The following MAP3K14 variants were observed in gnomAD, a reference collection of about 807,000 sequenced individuals.
MAP3K14 encodes mitogen-activated protein kinase kinase kinase 14.
MAP3K14 carries 16 observed loss-of-function variants against 99.2 expected under a neutral mutation model. The observed-to-expected ratio is 0.16, with a 90% CI of 0.11 to 0.24. The LOEUF (loss-of-function observed/expected upper bound fraction) is 0.24, where lower values mean the gene tolerates loss of function less well. Among genes scored for constraint, MAP3K14 ranks in the 10% least tolerant of loss-of-function variants. MAP3K14 has a pLI of 1.00. For missense variants in MAP3K14, 784 were observed against 1,208.7 expected (o/e 0.65, Z 5.21); for synonymous variants, 462 against 492.4 (o/e 0.94, Z 0.82).
At chr17:45,315,710 C>T (rs1238978975) in intron 1 of MAP3K14, among the ~76,000 whole-genome samples, 2 of 152,168 alleles carry the variant, frequency 1.3e-5, no homozygotes, top group African/African-American at 4.8e-5. Flanking sequence ...CTGGGAAAGA[C>T]CCATCCTTAG....
chr17:45,283,296 C>CA (rs1280390762), intron 6 of MAP3K14, among the ~76,000 whole-genome samples: 1 of 152,258 alleles, frequency 6.6e-6, no homozygotes, highest in Non-Finnish European at 1.5e-5. Context: ...CTGAGCAGGT[C>CA]AGGCACGTGG....
At chr17:45,303,130 A>C (rs1228875753) in intron 1 of MAP3K14, among the ~76,000 whole-genome samples, 1 of 152,264 alleles carries the variant, frequency 6.6e-6, no homozygotes. Flanking sequence ...GGAGAAAAAA[A>C]CCAGCCCTTC....
intron 6 of MAP3K14, among the ~76,000 whole-genome samples, chr17:45,275,236 G>A (rs1313120999): frequency 1.3e-5 from 2 of 152,128 alleles, no homozygotes; most frequent in Non-Finnish European, 1.5e-5. Flanking sequence ...GCTGAGGCGG[G>A]TGGATCAAGG....
intron 6 of MAP3K14, among the ~76,000 whole-genome samples, chr17:45,279,630 A>G (rs2044205375): frequency 6.7e-6 from 1 of 149,180 alleles, no homozygotes; most frequent in Non-Finnish European, 1.5e-5. Context: ...TCACTGTGTT[A>G]GCCAGGATGG....
At chr17:45,284,787 A>C in intron 6 of MAP3K14, 25 bp downstream of exon 6, 1 of 1,575,000 alleles carries the variant, frequency 6.3e-7, no homozygotes, top group Non-Finnish European at 8.6e-7. Flanking sequence ...TTCCCTCTTC[A>C]CTCAGCCCCT....
chr17:45,282,318 G>A (rs1441942966), intron 6 of MAP3K14, among the ~76,000 whole-genome samples: 2 of 151,988 alleles, frequency 1.3e-5, no homozygotes, highest in Non-Finnish European at 1.5e-5. Flanking sequence ...GCTCACACCT[G>A]TAATCCCAGC....
intron 6 of MAP3K14, among the ~76,000 whole-genome samples, chr17:45,275,764 T>TC (rs1057499655): frequency 3.4e-5 from 5 of 145,848 alleles, no homozygotes; most frequent in African/African-American, 7.5e-5. Flanking sequence ...TCTTTTCTTT[T>TC]TTTTTTTTTT....
chr17:45,274,657 C>G, intron 6 of MAP3K14, 64 bp from the exon 7 acceptor site: 1 of 1,570,622 alleles, frequency 6.4e-7, no homozygotes, highest in Non-Finnish European at 8.6e-7. Flanking sequence ...TCCCTGGCAT[C>G]CTGTCAGCAC....
chr17:45,311,353 T>G (rs543397347), intron 1 of MAP3K14, among the ~76,000 whole-genome samples: 1 of 152,176 alleles, frequency 6.6e-6, no homozygotes. Flanking sequence ...ACGAGATTAT[T>G]TGCAAGAGCT....
chr17:45,303,508 C>T (rs1015956675), intron 1 of MAP3K14, among the ~76,000 whole-genome samples: 1 of 152,150 alleles, frequency 6.6e-6, no homozygotes, highest in Non-Finnish European at 1.5e-5. Flanking sequence ...TTGTAATGAG[C>T]CGAGATTGCA....
At position 45,266,450 on chromosome 17, in the gene MAP3K14, G is replaced by A. The variant is rs998158998; in HGVS notation, c.2578+87C>T. 2.1e-4 allele frequency: 306 copies of A among 1,488,680 alleles called. No individual in the cohort carries two copies. The Middle Eastern group carries it at 3.3e-3, about 16-fold the overall frequency. The allele number at this position is 1,488,680 out of a possible 1,614,324, so 92.2% of individuals were successfully genotyped here. A position where few individuals can be genotyped will look rare whatever the true frequency, so the allele number is the denominator to read the frequency against. On this transcript the variant is annotated intron_variant, in intron 14 of 15. Coordinates refer to ENST00000344686, the MANE Select transcript of MAP3K14 (RefSeq NM_003954.5). ...TCCTCCCTCCCACTGTGCCAGAGGA[G>A]GGGAGACAAAATCCCTCAATGGCTG... is the stretch of plus-strand genomic sequence containing the variant.
At chr17:45,270,681 C>A in intron 10 of MAP3K14, 118 bp from the exon 11 acceptor site, 1 of 1,353,490 alleles carries the variant, frequency 7.4e-7, no homozygotes, top group Non-Finnish European at 9.7e-7. Flanking sequence ...GGGTCTACCA[C>A]AAGGAATGGA....
intron 1 of MAP3K14, among the ~76,000 whole-genome samples, chr17:45,292,110 T>A (rs1364384720): frequency 6.6e-6 from 1 of 152,248 alleles, no homozygotes; most frequent in Non-Finnish European, 1.5e-5. Context: ...TGGGGTTTGT[T>A]GTTCACTATT....
At chr17:45,296,221 G>C (rs1310421670) in intron 1 of MAP3K14, among the ~76,000 whole-genome samples, 1 of 152,092 alleles carries the variant, frequency 6.6e-6, no homozygotes, top group Non-Finnish European at 1.5e-5. Flanking sequence ...GCAAACCTCT[G>C]CCTACTCAAA....
In MAP3K14 at chr17:45,273,493, G is replaced by A. The variant is rs2044155433; in HGVS notation, c.1657+10C>T. ...CATTGGGGGGCACGGCAGTTGGTGGGGGGCCTTACCTGTGAGCAAGGACTT... is the reference window on the plus strand; with the variant it reads ...CATTGGGGGGCACGGCAGTTGGTGGAGGGCCTTACCTGTGAGCAAGGACTT... On this transcript the variant is annotated intron_variant, in intron 9 of 15. Transcript: ENST00000344686. The A allele has an allele frequency of 3.1e-6, 5 of 1,592,002 alleles. No homozygotes were observed. Among genetic ancestry groups the A allele is most frequent in the Non-Finnish European group, 4.3e-6 (5 of 1,163,536 alleles).
rs1302162672 is a variant in MAP3K14, at chr17:45,296,743, G to A, written c.-20-5978C>T. Among the ~76,000 whole-genome samples the A allele has an allele frequency of 1.3e-5, 2 of 152,166 alleles. 1 individual carries two copies. On this transcript the variant is annotated intron_variant, in intron 1 of 15. Coordinates refer to ENST00000344686, the MANE Select transcript of MAP3K14 (RefSeq NM_003954.5). ...TCACTTGCCCGAGCAGGGCAGCACT[G>A]GGCAAGCCTCTGATTCTCTTCTTCT...
At chr17:45,275,511 A>G (rs1011177787) in intron 6 of MAP3K14, among the ~76,000 whole-genome samples, 1 of 151,704 alleles carries the variant, frequency 6.6e-6, no homozygotes, top group South Asian at 2.1e-4. Flanking sequence ...AAAACCCACA[A>G]AAAAACAAAC....
intron 10 of MAP3K14, chr17:45,270,831 T>C (rs1472336189): frequency 2.7e-5 from 21 of 769,040 alleles, no homozygotes; most frequent in South Asian, 2.6e-4. Flanking sequence ...GCCCAGGGTA[T>C]GGACAGAAGA....
chr17:45,286,346 G>T lies in MAP3K14; in HGVS notation c.1152+85C>A. 1.4e-6 allele frequency: 2 copies of T among 1,432,426 alleles called. No homozygotes were observed. Among genetic ancestry groups the T allele is most frequent in the Non-Finnish European group, 1.9e-6 (2 of 1,077,044 alleles). The allele number at this position is 1,432,426 out of a possible 1,614,324, so 88.7% of individuals were successfully genotyped here. On this transcript the variant is annotated intron_variant, in intron 5 of 15. Coordinates refer to ENST00000344686, the MANE Select transcript of MAP3K14 (RefSeq NM_003954.5). This position sits in a 1 kb window ranked among gnomAD's most constrained non-coding sequence, Gnocchi z 4.1. The stretch of plus-strand genomic sequence containing the variant: ...TCCTACTGTTTGATTTGTCACCACA[G>T]GCAAGAGTGACTCTGATAAAGAGAG...
Sources: allele counts gnomAD v4.1 joint callset (sites outside exome capture counted in the v4.1 genomes callset), GRCh38; gene constraint gnomAD v4.1.1; non-coding constraint Gnocchi (gnomAD v3.1); transcripts MANE v1.5; gene names NCBI Gene and HGNC (gene_info 2026-07-23, HGNC 2026-07-21).